ACBD5: variants seen among roughly 807,000 people sequenced by gnomAD.
ACBD5 encodes acyl-CoA-binding domain-containing protein 5.
A neutral mutation model predicts 71.8 loss-of-function variants in ACBD5; 40 were observed. That is an observed-to-expected ratio of 0.56 (90% CI 0.43 to 0.72). The LOEUF (loss-of-function observed/expected upper bound fraction) is 0.72. Ranked by LOEUF, ACBD5 falls within the 30% of genes least tolerant of loss-of-function variation. ACBD5 has a pLI of 0.00. For missense variants in ACBD5, 559 were observed against 644.5 expected (o/e 0.87, Z 1.44); for synonymous variants, 229 against 218.6 (o/e 1.05, Z -0.42).
At chr10:27,221,231 C>T (rs11015614) in intron 5 of ACBD5, among the ~76,000 whole-genome samples, 10,460 of 152,170 alleles carry the variant, frequency 0.069, 680 homozygotes, top group African/African-American at 0.17. Flanking sequence ...GTAACACATC[C>T]AATAGAGTCT....
At chr10:27,225,107 G>A (rs1441132113) in intron 4 of ACBD5, among the ~76,000 whole-genome samples, 1 of 130,908 alleles carries the variant, frequency 7.6e-6, no homozygotes, top group African/African-American at 2.9e-5. Context: ...ACAGCGTCTC[G>A]CTCCATCATC....
chr10:27,198,706 T>C (rs1285359153), intron 12 of ACBD5, among the ~76,000 whole-genome samples: 1 of 152,202 alleles, frequency 6.6e-6, no homozygotes, highest in Non-Finnish European at 1.5e-5. Flanking sequence ...ACAACCTGCC[T>C]GAGTGAGGTT....
intron 13 of ACBD5, among the ~76,000 whole-genome samples, chr10:27,183,851 A>C (rs2058472221): frequency 6.6e-6 from 1 of 151,900 alleles, no homozygotes; most frequent in East Asian, 1.9e-4. Flanking sequence ...AGCTGGTACT[A>C]CTGGTGCACA....
At chr10:27,237,462 G>T (rs945666058) in intron 2 of ACBD5, among the ~76,000 whole-genome samples, 1 of 152,110 alleles carries the variant, frequency 6.6e-6, no homozygotes, top group Non-Finnish European at 1.5e-5. Flanking sequence ...CTTGCTCTTT[G>T]CATAATGATT....
chr10:27,233,575 G>A (rs1024022786), intron 3 of ACBD5, among the ~76,000 whole-genome samples: 4 of 151,990 alleles, frequency 2.6e-5, no homozygotes, highest in Middle Eastern at 3.4e-3. Context: ...AAAATTAGCC[G>A]GGTGTGGTGG....
At position 27,218,976 on chromosome 10, in the gene ACBD5, G is replaced by A. The variant is rs1488003603; in HGVS notation, c.625+747C>T. On this transcript the variant is annotated intron_variant, in intron 6 of 12. Transcript: ENST00000396271. ...TCCAACAGGGCCCTCAATGCTCTAA[G>A]CCATAATTCCAATGTTCCTTCTTCA... Among the ~76,000 whole-genome samples, 3 of 152,246 alleles carry A rather than the reference G, an allele frequency of 2.0e-5. No homozygotes were observed. The East Asian group carries it at 5.8e-4, about 29-fold the overall frequency.
downstream of ACBD5, among the ~76,000 whole-genome samples, chr10:27,192,202 C>T (rs2059108313): frequency 6.6e-6 from 1 of 150,914 alleles, no homozygotes; most frequent in Non-Finnish European, 1.5e-5. Flanking sequence ...TAAATATATG[C>T]CAAAAAACTG....
rs2063890897 is a variant in ACBD5 at position 27,231,729 on chromosome 10, T to G, written c.375+19A>C. On this transcript the variant is annotated intron_variant, in intron 4 of 12. Transcript: ENST00000396271. ...AGCTGCTCTGAATTTTCATTTTAAC[T>G]GTGAATTATTTTCCCTACCTTTTTC... 1 of 1,611,242 alleles carries G rather than the reference T, an allele frequency of 6.2e-7. No homozygotes were observed. Among genetic ancestry groups the G allele is most frequent in the Admixed American group, 1.7e-5 (1 of 60,002 alleles).
At chr10:27,211,137 A>G in intron 8 of ACBD5, 56 bp from the exon 9 acceptor site, 1 of 1,570,542 alleles carries the variant, frequency 6.4e-7, no homozygotes, top group Non-Finnish European at 8.7e-7. Context: ...TATACACCAC[A>G]AAGTTTTTAC....
intron 10 of ACBD5, among the ~76,000 whole-genome samples, chr10:27,205,643 C>T (rs1376042964): frequency 1.3e-5 from 2 of 151,812 alleles, no homozygotes; most frequent in Admixed American, 6.6e-5. Flanking sequence ...TCACTGCAAC[C>T]GCTGCCTCAC....
intron 4 of ACBD5, among the ~76,000 whole-genome samples, 177 bp from the exon 5 acceptor site, chr10:27,223,629 T>A (rs12261094): frequency 6.6e-6 from 1 of 152,176 alleles, no homozygotes. Context: ...GTGGCCGGGC[T>A]AAGTGGTGGC....
intron 4 of ACBD5, among the ~76,000 whole-genome samples, chr10:27,224,202 CA>C (rs35272279): frequency 0.32 from 39,631 of 124,500 alleles, 5,787 homozygotes; most frequent in East Asian, 0.49. Context: ...CCCATTTCTA[CA>C]AAAAAAAAAA....
downstream of ACBD5, among the ~76,000 whole-genome samples, chr10:27,194,116 T>C (rs1441592556): frequency 1.3e-5 from 2 of 151,668 alleles, no homozygotes; most frequent in Admixed American, 1.3e-4. Flanking sequence ...GCCAGGAGTG[T>C]GGCATATGCC....
At position 27,208,376 on chromosome 10, in the gene ACBD5, C is replaced by A. The variant is rs758175108; in HGVS notation, c.1274G>T (p.Arg425Leu). The change falls in exon 10 of 13, where the codon CGC (arginine) becomes CTC (leucine). Residue 425 changes from arginine (R) to leucine (L), a missense_variant. Arg to Leu is a moderately radical substitution (Grantham distance 102). Coordinates refer to ENST00000396271, the MANE Select transcript of ACBD5 (RefSeq NM_145698.5). ...RQVGSGGDGE[R>L]WGSDRGSRGS... Reference sequence around the variant, plus strand: ...TCGGGACCCTCTGTCGGAGCCCCAGCGCTCCCCATCACCTCCACTTCCCAC... The same window carrying A: ...TCGGGACCCTCTGTCGGAGCCCCAGAGCTCCCCATCACCTCCACTTCCCAC... 9 of 1,614,130 alleles carry A rather than the reference C, an allele frequency of 5.6e-6. No homozygotes were observed. Among genetic ancestry groups the A allele is most frequent in the Non-Finnish European group, 7.6e-6 (9 of 1,179,994 alleles).
chr10:27,188,200 A>AGTT (rs1162873621), intron 13 of ACBD5, among the ~76,000 whole-genome samples: 1 of 107,726 alleles, frequency 9.3e-6, no homozygotes, highest in Admixed American at 9.4e-5. Context: ...TTGTTTTAGT[A>AGTT]ATAACTACTT....
At chr10:27,214,526 C>A (rs1329715520) in intron 8 of ACBD5, among the ~76,000 whole-genome samples, 1 of 151,576 alleles carries the variant, frequency 6.6e-6, no homozygotes, top group Non-Finnish European at 1.5e-5. Flanking sequence ...AATATATATA[C>A]CTATGTGCCC....
intron 12 of ACBD5, among the ~76,000 whole-genome samples, chr10:27,203,987 AC>A (rs1271377810): frequency 6.6e-6 from 1 of 151,154 alleles, no homozygotes; most frequent in African/African-American, 2.4e-5. Flanking sequence ...TATAAACCGC[AC>A]CCAGTGACAT....
intron 13 of ACBD5, among the ~76,000 whole-genome samples, chr10:27,187,842 T>G (rs1439241652): frequency 4.6e-5 from 7 of 152,176 alleles, no homozygotes; most frequent in Admixed American, 4.6e-4. Flanking sequence ...AATGTGATGC[T>G]TTACATCTTA....
At chr10:27,205,282 A>G (rs752026729) in intron 10 of ACBD5, 34 bp from the exon 11 acceptor site, 1 of 1,597,264 alleles carries the variant, frequency 6.3e-7, no homozygotes, top group Admixed American at 1.7e-5. Flanking sequence ...TTAGCCTTGA[A>G]AAAATGAAAA....
Sources: allele counts gnomAD v4.1 joint callset (sites outside exome capture counted in the v4.1 genomes callset), GRCh38; gene constraint gnomAD v4.1.1; transcripts MANE v1.5; gene names NCBI Gene and HGNC (gene_info 2026-07-23, HGNC 2026-07-21).